Variants in ABI3 observed in about 807,000 individuals in gnomAD.
ABI3 encodes the protein ABI gene family member 3.
Under a neutral mutation model 37.0 loss-of-function variants are expected in ABI3, and 24 were observed. The observed-to-expected ratio is 0.65, with a 90% CI of 0.47 to 0.91. The LOEUF is 0.91. Among genes scored for constraint, ABI3 ranks in the 40% least tolerant of loss-of-function variants. The pLI is 0.00. For synonymous variants in ABI3, 220 were observed against 211.8 expected (o/e 1.04, Z -0.34); for missense variants, 481 against 485.1 (o/e 0.99, Z 0.08).
Position 49,219,761 on chromosome 17 carries a change from TC to T in ABI3, c.549-92del. The T allele has an allele frequency of 7.0e-7, 1 of 1,419,946 alleles. No homozygotes were observed. Among genetic ancestry groups the T allele is most frequent in the Non-Finnish European group, 9.6e-7 (1 of 1,042,492 alleles). 88.0% of individuals were successfully genotyped at this position (1,419,946 alleles called of 1,614,324 possible). On this transcript the variant is annotated intron_variant, in intron 4 of 7. Coordinates refer to ENST00000225941, the MANE Select transcript of ABI3 (RefSeq NM_016428.3). This position sits in a 1 kb window ranked among gnomAD's most constrained non-coding sequence, Gnocchi z 4.3. ...CATGCTGGATGCCTGGCGCCAAACC[TC>T]CCCCTCGGCCACCTGCCCTTCCTGC... is the stretch of plus-strand genomic sequence containing the variant.
rs376299895 is a variant in ABI3 at position 49,210,790 on chromosome 17, C to T, written c.66C>T (p.Asn22=). The change falls in exon 1 of 8, where the codon AAC becomes AAT. Residue 22 remains asparagine, a synonymous_variant. Coordinates refer to ENST00000225941, the MANE Select transcript of ABI3 (RefSeq NM_016428.3). The surrounding 1 kb of genome is among the most constrained non-coding windows in gnomAD (Gnocchi z 4.2). ...IPTGREALRG[N]HSALLRVADY... ...CTGGCCGGGAGGCTCTGAGGGGCAA[C>T]CACAGTGCCCTGCTGCGGGTCGCTG... is the stretch of plus-strand genomic sequence containing the variant. 60 of 1,555,986 alleles carry T rather than the reference C, an allele frequency of 3.9e-5. No individual in the cohort carries two copies. Among genetic ancestry groups the T allele is most frequent in the Non-Finnish European group, 4.6e-5 (53 of 1,149,372 alleles).
rs183237512 is a variant in ABI3 at position 49,223,109 on chromosome 17, C to T, written c.*394C>T. 5.7e-5 allele frequency: 24 copies of T among 418,910 alleles called. No individual in the cohort carries two copies. The highest frequency in any genetic ancestry group is 2.8e-4 in the African/African-American group (14 of 49,420). 25.9% of individuals were successfully genotyped at this position (418,910 alleles called of 1,614,324 possible). A position where few individuals can be genotyped will look rare whatever the true frequency, so the allele number is the denominator to read the frequency against. Reference sequence around the variant, plus strand: ...ATTACAGCCCCCAACCTCCAACCCACCAGCTGACCTAGAAGCAGCATCTTC... The same window carrying T: ...ATTACAGCCCCCAACCTCCAACCCATCAGCTGACCTAGAAGCAGCATCTTC... On this transcript the variant is annotated 3_prime_UTR_variant, in exon 8 of 8. Transcript: ENST00000225941.
chr17:49,211,402 A>G (rs2043166384), intron 1 of ABI3, among the ~76,000 whole-genome samples: 1 of 152,200 alleles, frequency 6.6e-6, no homozygotes, highest in Non-Finnish European at 1.5e-5. Flanking sequence ...GCTTCTAGCA[A>G]CAGATAGGGA....
chr17:49,217,641 C>T (rs62076378), intron 2 of ABI3, 98 bp from the exon 3 acceptor site: 2 of 1,170,710 alleles, frequency 1.7e-6, no homozygotes, highest in Admixed American at 6.0e-5. Flanking sequence ...ACCTGGCTGC[C>T]TCCCCCCCCC....
chr17:49,214,385 GC>G (rs1477830497), intron 1 of ABI3, among the ~76,000 whole-genome samples: 2 of 152,270 alleles, frequency 1.3e-5, no homozygotes, highest in Admixed American at 6.5e-5. Flanking sequence ...TTTTGCCCTA[GC>G]CCCCACTGCC....
chr17:49,213,951 C>A (rs1404395027), intron 1 of ABI3, among the ~76,000 whole-genome samples: 1 of 152,218 alleles, frequency 6.6e-6, no homozygotes, highest in Non-Finnish European at 1.5e-5. Context: ...TTTGCCTATT[C>A]AATCTTCTTG....
rs1448304863 is a variant in ABI3, at chr17:49,219,842, C to A, written c.549-16C>A. The A allele has an allele frequency of 6.5e-7, 1 of 1,539,250 alleles. No homozygotes were observed. Among genetic ancestry groups the A allele is most frequent in the Non-Finnish European group, 8.7e-7 (1 of 1,147,008 alleles). On this transcript the variant is annotated splice_polypyrimidine_tract_variant and intron_variant, in intron 4 of 7. Transcript: ENST00000225941. The surrounding 1 kb of genome is among the most constrained non-coding windows in gnomAD (Gnocchi z 4.3). ...TTCCTCCTTCCTCCTAATACCCACT[C>A]CCTGCCCCCCGCCAGGAGACCACCC...
chr17:49,211,269 G>A (rs2043164339), intron 1 of ABI3, among the ~76,000 whole-genome samples: 1 of 152,182 alleles, frequency 6.6e-6, no homozygotes, highest in Non-Finnish European at 1.5e-5. Context: ...GATGGACAAG[G>A]GAAAGGGGCT....
rs759126049 is a variant in ABI3 at position 49,222,641 on chromosome 17, G to A, written c.1027G>A (p.Asp343Asn). Residue 343 changes from aspartate (D) to asparagine (N), a missense_variant, in exon 8 of 8, where the codon GAT (aspartate) becomes AAT (asparagine). Physicochemically the swap from Asp to Asn is conservative, Grantham distance 23 (BLOSUM62 1). Transcript: ENST00000225941. ...CATCTGTGTCACTCGCCGCTACTCCGATGGCTGGTGCGAGGGCGTCAGCTC... is the reference window on the plus strand; with the variant it reads ...CATCTGTGTCACTCGCCGCTACTCCAATGGCTGGTGCGAGGGCGTCAGCTC... ...TVICVTRRYS[D>N]GWCEGVSSEG... The A allele has an allele frequency of 2.2e-5, 36 of 1,613,486 alleles. No homozygotes were observed. Among genetic ancestry groups the A allele is most frequent in the Admixed American group, 1.2e-4 (7 of 59,950 alleles).
At chr17:49,218,167 C>T (rs1463468222) in intron 3 of ABI3, among the ~76,000 whole-genome samples, 1 of 152,256 alleles carries the variant, frequency 6.6e-6, no homozygotes, top group African/African-American at 2.4e-5. Flanking sequence ...GCCCCCCCGC[C>T]CTGCCCCTGT....
In ABI3 at chr17:49,222,122, T is replaced by C. The variant is rs2043297202; in HGVS notation, c.834T>C (p.Pro278=). The part of the protein sequence containing the change: ...DEELPLPLDL[P]PPPPLDGDEL... ...AGCTGCCCCTGCCACTGGACCTGCC[T>C]CCTCCTCCACCCCTGGATGGAGATG... is the stretch of plus-strand genomic sequence containing the variant. The change falls in exon 7 of 8, where the codon CCT becomes CCC. Residue 278 remains proline (P), a synonymous_variant. Transcript: ENST00000225941. The C allele has an allele frequency of 8.7e-6, 14 of 1,612,060 alleles. No individual in the cohort carries two copies. The highest frequency in any genetic ancestry group is 1.1e-5 in the Non-Finnish European group (13 of 1,179,072).
At chr17:49,222,310 G>A (rs2043299850) in intron 7 of ABI3, 85 bp downstream of exon 7, 1 of 1,521,586 alleles carries the variant, frequency 6.6e-7, no homozygotes. Flanking sequence ...GCAAAGGTGT[G>A]AATCTATCCC....
At chr17:49,213,648 C>G (rs1358626586) in intron 1 of ABI3, among the ~76,000 whole-genome samples, 1 of 152,206 alleles carries the variant, frequency 6.6e-6, no homozygotes, top group African/African-American at 2.4e-5. Flanking sequence ...GACACCTGTC[C>G]CTGCGGACCT....
At position 49,219,798 on chromosome 17, in the gene ABI3, C is replaced by T. The variant is rs1388695390; in HGVS notation, c.549-60C>T. 6 of 1,504,094 alleles carry T rather than the reference C, an allele frequency of 4.0e-6. No individual in the cohort carries two copies. The highest frequency in any genetic ancestry group is 1.4e-5 in the African/African-American group (1 of 72,204). The allele number at this position is 1,504,094 out of a possible 1,614,324, so 93.2% of individuals were successfully genotyped here. On this transcript the variant is annotated intron_variant, in intron 4 of 7. Coordinates refer to ENST00000225941, the MANE Select transcript of ABI3 (RefSeq NM_016428.3). This position sits in a 1 kb window ranked among gnomAD's most constrained non-coding sequence, Gnocchi z 4.3. ...ACCTGCCCTTCCTGCTCGCACCCGA[C>T]CCCTGCTGGCCAGAAGCCTTCCTCC... is the stretch of plus-strand genomic sequence containing the variant.
rs911896159 is a variant in ABI3 at position 49,217,844 on chromosome 17, C to T, written c.391C>T (p.Pro131Ser). ...GQKVIAPENL[P>S]PLTPYCRRPL... ...GAAGGTCATCGCCCCAGAGAACCTA[C>T]CCCCTCTCACGCCCTACTGCAGGAG... Residue 131 changes from proline (P) to serine (S), a missense_variant, in exon 3 of 8, where the codon CCC becomes TCC. By Grantham distance (74) the Pro-to-Ser change is moderately conservative (BLOSUM62 -1). Coordinates refer to ENST00000225941, the MANE Select transcript of ABI3 (RefSeq NM_016428.3). 100 of 1,606,858 alleles carry T rather than the reference C, an allele frequency of 6.2e-5. No individual in the cohort carries two copies. Among genetic ancestry groups the T allele is most frequent in the Non-Finnish European group, 7.1e-5 (83 of 1,176,994 alleles).
intron 1 of ABI3, among the ~76,000 whole-genome samples, chr17:49,214,057 A>C (rs770950329): frequency 2.6e-5 from 4 of 152,364 alleles, no homozygotes; most frequent in Admixed American, 2.0e-4. Context: ...TTGGAAAAGA[A>C]AGACAAGGAG....
At position 49,219,721 on chromosome 17, in the gene ABI3, G is replaced by A. The variant is rs553334151; in HGVS notation, c.548+96G>A. 2.1e-6 allele frequency: 3 copies of A among 1,402,986 alleles called. No homozygotes were observed. The highest frequency in any genetic ancestry group is 1.3e-5 in the South Asian group (1 of 79,678). The allele number at this position is 1,402,986 out of a possible 1,614,324, so 86.9% of individuals were successfully genotyped here. A position where few individuals can be genotyped will look rare whatever the true frequency, so the allele number is the denominator to read the frequency against. ...CTCGCCACCCACCCCTGGCGCCCCCGGGTGCTCAGGCCGTCATGCTGGATG... is the reference window on the plus strand; with the variant it reads ...CTCGCCACCCACCCCTGGCGCCCCCAGGTGCTCAGGCCGTCATGCTGGATG... On this transcript the variant is annotated intron_variant, in intron 4 of 7. Transcript: ENST00000225941. This position sits in a 1 kb window ranked among gnomAD's most constrained non-coding sequence, Gnocchi z 4.3.
intron 6 of ABI3, among the ~76,000 whole-genome samples, chr17:49,220,893 A>G (rs1352252340): frequency 1.4e-5 from 2 of 142,872 alleles, no homozygotes; most frequent in Admixed American, 7.0e-5. Context: ...AATAATAATA[A>G]ACTTAATCCT....
Position 49,222,878 on chromosome 17 carries a change from G to A in ABI3, c.*163G>A. The A allele has an allele frequency of 4.9e-6, 4 of 823,376 alleles. No homozygotes were observed. The highest frequency in any genetic ancestry group is 7.3e-6 in the Non-Finnish European group (4 of 545,620). The allele number at this position is 823,376 out of a possible 1,614,324, so 51.0% of individuals were successfully genotyped here. ...TCGGAGGGAGAAGGGGTCCTGGGGA[G>A]AGAGAATTTATCCAGAGGCCTGCTG... On this transcript the variant is annotated 3_prime_UTR_variant, in exon 8 of 8. Transcript: ENST00000225941.
Sources: gnomAD v4.1 joint callset for allele counts (sites outside exome capture counted in the v4.1 genomes callset) on GRCh38, gnomAD v4.1.1 for gene constraint, Gnocchi (gnomAD v3.1) non-coding constraint, MANE v1.5 for transcripts, NCBI Gene and HGNC (gene_info 2026-07-23, HGNC 2026-07-21) for gene names.